CDYL: variants seen among roughly 807,000 people sequenced by gnomAD.
The protein encoded by CDYL is chromodomain Y-like protein.
CDYL carries 8 observed loss-of-function variants against 47.3 expected under a neutral mutation model. That is an observed-to-expected ratio of 0.17 (90% CI 0.10 to 0.31). The LOEUF is 0.31. Among genes scored for constraint, CDYL ranks in the 10% least tolerant of loss-of-function variants. CDYL has a pLI of 1.00. For missense variants in CDYL, 471 were observed against 701.4 expected (o/e 0.67, Z 3.71); for synonymous variants, 266 against 265.0 (o/e 1.00, Z -0.04).
intron 1 of CDYL, among the ~76,000 whole-genome samples, chr6:4,878,921 G>A (rs1209330906): frequency 1.3e-5 from 2 of 151,770 alleles, no homozygotes; most frequent in Non-Finnish European, 2.9e-5. Context: ...GGATCCCACA[G>A]TATTTTCTAA....
chr6:4,758,368 A>ATATATC (rs1400799578), intron 3 of CDYL, among the ~76,000 whole-genome samples: 1 of 144,502 alleles, frequency 6.9e-6, no homozygotes, highest in South Asian at 2.2e-4. Context: ...ATATATATAT[A>ATATATC]TATCTCTTTG....
At chr6:4,834,868 G>T (rs1012244889) in intron 1 of CDYL, among the ~76,000 whole-genome samples, 12 of 151,862 alleles carry the variant, frequency 7.9e-5, no homozygotes, top group African/African-American at 2.9e-4. Context: ...GATCACATCG[G>T]CTCCTGAGGC....
intron 3 of CDYL, among the ~76,000 whole-genome samples, chr6:4,765,690 T>C (rs1758242315): frequency 6.6e-6 from 1 of 151,928 alleles, no homozygotes; most frequent in Non-Finnish European, 1.5e-5. Context: ...CGGCCTCCCA[T>C]GTAGCTGGGA....
Position 4,835,514 on chromosome 6 carries a change from G to A in CDYL, c.25-56199G>A, listed in dbSNP as rs575062956. On this transcript the variant is annotated intron_variant, in intron 1 of 6. Coordinates refer to ENST00000397588, the MANE Select transcript of CDYL (RefSeq NM_004824.4). The stretch of plus-strand genomic sequence containing the variant: ...GTGCCTCCCAGTTAGGCTGCTCAGG[G>A]GTCAGGGGTCAGGGACCCACTTGAG... Among the ~76,000 whole-genome samples, 13 of 152,322 alleles carry A rather than the reference G, an allele frequency of 8.5e-5. No individual in the cohort carries two copies. In the South Asian group the frequency reaches 2.7e-3, roughly 32 times the overall value.
At chr6:4,843,468 T>G (rs1229361133) in intron 1 of CDYL, among the ~76,000 whole-genome samples, 1 of 151,190 alleles carries the variant, frequency 6.6e-6, no homozygotes, top group African/African-American at 2.4e-5. Flanking sequence ...ATTCTTAGGA[T>G]TGGCCATTTA....
At chr6:4,926,753 C>T (rs1561712819) in intron 2 of CDYL, among the ~76,000 whole-genome samples, 1 of 152,184 alleles carries the variant, frequency 6.6e-6, no homozygotes, top group Non-Finnish European at 1.5e-5. Flanking sequence ...ATTTACATTC[C>T]TAATAAACTC....
At chr6:4,835,854 G>T (rs1581200151) in intron 1 of CDYL, among the ~76,000 whole-genome samples, 1 of 152,322 alleles carries the variant, frequency 6.6e-6, no homozygotes, top group East Asian at 1.9e-4. Flanking sequence ...CAGTCAGCGA[G>T]ACTCCGTGGG....
At chr6:4,840,772 A>G (rs533981069) in intron 1 of CDYL, among the ~76,000 whole-genome samples, 11 of 152,054 alleles carry the variant, frequency 7.2e-5, no homozygotes, top group Non-Finnish European at 2.9e-5. Context: ...TATCTTTTTG[A>G]AGTGTTGTTG....
intron 1 of CDYL, among the ~76,000 whole-genome samples, chr6:4,823,463 C>G (rs1327586599): frequency 6.6e-6 from 1 of 152,172 alleles, no homozygotes; most frequent in African/African-American, 2.4e-5. Context: ...TAGTCCTTTT[C>G]TCTTGTAATA....
intron 1 of CDYL, among the ~76,000 whole-genome samples, chr6:4,715,493 CAT>C (rs1311680327): frequency 6.6e-6 from 1 of 152,180 alleles, no homozygotes; most frequent in African/African-American, 2.4e-5. Context: ...AACATATTGA[CAT>C]ATATTGTGGT....
At chr6:4,740,026 G>A (rs897755030) in intron 3 of CDYL, among the ~76,000 whole-genome samples, 1 of 152,068 alleles carries the variant, frequency 6.6e-6, no homozygotes, top group Non-Finnish European at 1.5e-5. Flanking sequence ...GAAGGAAAGA[G>A]GAGAAGTGTT....
chr6:4,922,428 A>G lies in CDYL; in HGVS notation c.692-13087A>G, dbSNP rs375771840. Among the ~76,000 whole-genome samples, 12 of 152,346 alleles carry G rather than the reference A, an allele frequency of 7.9e-5. No individual in the cohort carries two copies. The East Asian group carries it at 2.3e-3, about 29-fold the overall frequency. ...GATTAATTAATATGTGAACATTTTT[A>G]TCTTCCTGAATGATATTGTTAAAAA... is the stretch of plus-strand genomic sequence containing the variant. On this transcript the variant is annotated intron_variant, in intron 2 of 6. Coordinates refer to ENST00000397588, the MANE Select transcript of CDYL (RefSeq NM_004824.4).
At chr6:4,835,206 C>T (rs1442358308) in intron 1 of CDYL, among the ~76,000 whole-genome samples, 4 of 152,080 alleles carry the variant, frequency 2.6e-5, no homozygotes, top group African/African-American at 9.7e-5. Context: ...GTGGTTTTAT[C>T]TACTTTTGGA....
chr6:4,926,847 G>A lies in CDYL; in HGVS notation c.692-8668G>A, dbSNP rs143527260. Among the ~76,000 whole-genome samples the A allele has an allele frequency of 3.1e-3, 471 of 152,094 alleles. 1 individual carries two copies. The highest frequency in any genetic ancestry group is 0.026 in the East Asian group (135 of 5,172). On this transcript the variant is annotated intron_variant, in intron 2 of 6. Transcript: ENST00000397588. ...TTATTTTTTTCATGTATGATTTTGG[G>A]GATGGGCAGTGGAAGGACACAAGCG...
chr6:4,859,968 C>T (rs1415537150), intron 1 of CDYL, among the ~76,000 whole-genome samples: 1 of 150,810 alleles, frequency 6.6e-6, no homozygotes, highest in Non-Finnish European at 1.5e-5. Flanking sequence ...GTGGCGCAAT[C>T]TCGGCTCACT....
intron 1 of CDYL, among the ~76,000 whole-genome samples, chr6:4,880,465 T>G (rs1761734958): frequency 6.6e-6 from 1 of 152,208 alleles, no homozygotes; most frequent in Non-Finnish European, 1.5e-5. Context: ...CTTCACAAGT[T>G]TTGGCTATTA....
At chr6:4,901,715 C>A (rs1040829034) in intron 2 of CDYL, among the ~76,000 whole-genome samples, 1 of 152,158 alleles carries the variant, frequency 6.6e-6, no homozygotes, top group Non-Finnish European at 1.5e-5. Flanking sequence ...ATTAAGTACA[C>A]AGTATTACTC....
chr6:4,946,974 G>A (rs1758541196), intron 5 of CDYL, among the ~76,000 whole-genome samples: 1 of 152,180 alleles, frequency 6.6e-6, no homozygotes, highest in Non-Finnish European at 1.5e-5. Context: ...ACCATCTCCT[G>A]GGAACCTAGC....
chr6:4,910,009 T>TCA (rs1048980576), intron 2 of CDYL, among the ~76,000 whole-genome samples: 1 of 150,746 alleles, frequency 6.6e-6, no homozygotes, highest in African/African-American at 2.4e-5. Flanking sequence ...GCACATGTAT[T>TCA]CATATATATA....
Sources: gnomAD v4.1 joint callset for allele counts (sites outside exome capture counted in the v4.1 genomes callset) on GRCh38, gnomAD v4.1.1 for gene constraint, MANE v1.5 for transcripts, NCBI Gene and HGNC (gene_info 2026-07-23, HGNC 2026-07-21) for gene names.